The following LRRC4C variants were observed in gnomAD, a reference collection of about 807,000 sequenced individuals.
LRRC4C encodes leucine rich repeat containing 4C.
In LRRC4C, 5 loss-of-function variants were observed where a neutral mutation model predicts 33.6. The ratio of observed to expected loss-of-function variants is 0.15; its 90% CI spans 0.08 to 0.31. LRRC4C has a LOEUF of 0.31. Ranked by LOEUF, LRRC4C falls within the 10% of genes least tolerant of loss-of-function variation. The pLI is 1.00. For synonymous variants in LRRC4C, 329 were observed against 302.0 expected (o/e 1.09, Z -0.93); for missense variants, 560 against 796.7 (o/e 0.70, Z 3.58).
intron 1 of LRRC4C, among the ~76,000 whole-genome samples, chr11:41,258,297 TTGATATA>T (rs1345207590): frequency 6.6e-6 from 1 of 151,968 alleles, no homozygotes; most frequent in Non-Finnish European, 1.5e-5. Context: ...TTAGGAAGGC[TTGATATA>T]TCTTCAAGGG....
At chr11:40,290,041 G>GAT (rs144062832) in intron 4 of LRRC4C, among the ~76,000 whole-genome samples, 3,614 of 151,238 alleles carry the variant, frequency 0.024, 128 homozygotes, top group African/African-American at 0.077. Flanking sequence ...GTCAACAAAA[G>GAT]ATATATATAT....
intron 2 of LRRC4C, among the ~76,000 whole-genome samples, chr11:40,668,407 AC>A (rs1431221908): frequency 1.3e-5 from 2 of 152,208 alleles, no homozygotes; most frequent in Non-Finnish European, 2.9e-5. Flanking sequence ...AGAGAGAAAC[AC>A]ACACACATAA....
At chr11:40,520,164 T>A (rs1320798775) in intron 3 of LRRC4C, among the ~76,000 whole-genome samples, 1 of 152,200 alleles carries the variant, frequency 6.6e-6, no homozygotes, top group Non-Finnish European at 1.5e-5. Flanking sequence ...ACAAAACCCA[T>A]CTGAAATATC....
chr11:41,418,154 AAT>A (rs562597487), intron 1 of LRRC4C, among the ~76,000 whole-genome samples: 259 of 152,050 alleles, frequency 1.7e-3, no homozygotes, highest in Non-Finnish European at 3.0e-3. Flanking sequence ...CACTTTAAGC[AAT>A]AGACTTTTAC....
chr11:40,575,019 G>A (rs1958131226), intron 3 of LRRC4C, among the ~76,000 whole-genome samples: 1 of 152,074 alleles, frequency 6.6e-6, no homozygotes, highest in African/African-American at 2.4e-5. Context: ...CCATTGACTG[G>A]GTCACAGTCA....
chr11:40,680,013 C>T (rs1944602255), intron 2 of LRRC4C, among the ~76,000 whole-genome samples: 1 of 152,122 alleles, frequency 6.6e-6, no homozygotes, highest in Non-Finnish European at 1.5e-5. Flanking sequence ...CCTTGCAAAG[C>T]CCTAGGGGTG....
At chr11:41,087,212 T>C (rs1439149741) in intron 1 of LRRC4C, among the ~76,000 whole-genome samples, 2 of 152,134 alleles carry the variant, frequency 1.3e-5, no homozygotes. Flanking sequence ...TTTCCATTTT[T>C]CCCCATTCCT....
intron 3 of LRRC4C, among the ~76,000 whole-genome samples, chr11:40,609,092 T>C (rs1960932481): frequency 6.6e-6 from 1 of 152,012 alleles, no homozygotes; most frequent in African/African-American, 2.4e-5. Flanking sequence ...ATACAAAACA[T>C]TCCACCCAAC....
chr11:40,986,442 A>C (rs1853002412), intron 1 of LRRC4C, among the ~76,000 whole-genome samples: 3 of 152,142 alleles, frequency 2.0e-5, no homozygotes, highest in Admixed American at 6.6e-5. Context: ...CACTAAAAAT[A>C]AAAAATATTA....
intron 5 of LRRC4C, among the ~76,000 whole-genome samples, chr11:40,219,570 A>C (rs1349016919): frequency 6.6e-6 from 1 of 152,164 alleles, no homozygotes; most frequent in Admixed American, 6.6e-5. Context: ...AAAGTCAGAG[A>C]TCTTGCCAGT....
At chr11:40,648,849 A>G (rs1942620462) in intron 2 of LRRC4C, among the ~76,000 whole-genome samples, 1 of 152,150 alleles carries the variant, frequency 6.6e-6, no homozygotes, top group African/African-American at 2.4e-5. Flanking sequence ...AAATAAAGAG[A>G]AAGAGTACAA....
intron 3 of LRRC4C, among the ~76,000 whole-genome samples, chr11:40,473,309 G>A (rs1013564424): frequency 1.4e-4 from 21 of 151,988 alleles, no homozygotes; most frequent in African/African-American, 4.8e-4. Context: ...TACATAAATC[G>A]ATAAATGTAA....
chr11:40,820,836 C>A (rs1951900997), intron 2 of LRRC4C, among the ~76,000 whole-genome samples: 1 of 151,638 alleles, frequency 6.6e-6, no homozygotes. Context: ...AAATAAATAA[C>A]TAAAAGACAT....
At chr11:40,166,952 G>A (rs1231215824) in intron 5 of LRRC4C, among the ~76,000 whole-genome samples, 1 of 152,082 alleles carries the variant, frequency 6.6e-6, no homozygotes, top group African/African-American at 2.4e-5. Context: ...CATGATATAA[G>A]TTCATAAAGC....
At chr11:40,421,456 T>C (rs933339539) in intron 3 of LRRC4C, among the ~76,000 whole-genome samples, 1 of 152,202 alleles carries the variant, frequency 6.6e-6, no homozygotes, top group Non-Finnish European at 1.5e-5. Context: ...CTGCATTCAG[T>C]GCCTGCTGCC....
intron 2 of LRRC4C, among the ~76,000 whole-genome samples, chr11:40,762,171 C>T (rs1949247724): frequency 1.3e-5 from 2 of 152,104 alleles, no homozygotes; most frequent in South Asian, 4.1e-4. Flanking sequence ...GAAATTCCTG[C>T]TGATGTAGGC....
At chr11:40,681,851 A>G (rs1944705144) in intron 2 of LRRC4C, among the ~76,000 whole-genome samples, 1 of 152,198 alleles carries the variant, frequency 6.6e-6, no homozygotes, top group Non-Finnish European at 1.5e-5. Flanking sequence ...AGGAATGGAA[A>G]ACCAAACATC....
At chr11:41,279,387 C>CAA (rs1949587528) in intron 1 of LRRC4C, among the ~76,000 whole-genome samples, 1 of 65,222 alleles carries the variant, frequency 1.5e-5, no homozygotes, top group Admixed American at 1.4e-4. Flanking sequence ...CACAAACACA[C>CAA]ACACACACAC....
At position 40,655,254 on chromosome 11, in the gene LRRC4C, C is replaced by A. The variant is rs575013262; in HGVS notation, c.-406-6976G>T. Among the ~76,000 whole-genome samples the A allele has an allele frequency of 3.9e-5, 6 of 152,164 alleles. No homozygotes were observed. The East Asian group carries it at 9.7e-4, about 25-fold the overall frequency. ...GTATTAATCTCATACTTAAGTAATA[C>A]CATGTGTTGATTTCAATATTTCAAA... On this transcript the variant is annotated intron_variant, in intron 2 of 6. Coordinates refer to ENST00000528697, the MANE Select transcript of LRRC4C (RefSeq NM_001258419.2).
Sources: allele counts gnomAD v4.1 joint callset (sites outside exome capture counted in the v4.1 genomes callset), GRCh38; gene constraint gnomAD v4.1.1; transcripts MANE v1.5; gene names NCBI Gene and HGNC (gene_info 2026-07-23, HGNC 2026-07-21).